Variants in ZNF653 observed in about 807,000 individuals in gnomAD.
ZNF653 encodes the protein 67 kDa zinc finger protein.
Under a neutral mutation model 59.9 loss-of-function variants are expected in ZNF653, and 37 were observed. The observed-to-expected ratio is 0.62, with a 90% CI of 0.48 to 0.81. The LOEUF (loss-of-function observed/expected upper bound fraction) is 0.81. Among genes scored for constraint, ZNF653 ranks in the 40% least tolerant of loss-of-function variants. The pLI, the probability that ZNF653 is intolerant of heterozygous loss-of-function variation, is 0.00. For synonymous variants in ZNF653, 435 were observed against 371.8 expected (o/e 1.17, Z -1.96); for missense variants, 808 against 881.1 (o/e 0.92, Z 1.05).
intron 2 of ZNF653, among the ~76,000 whole-genome samples, chr19:11,497,269 T>C (rs963060601): frequency 2.6e-5 from 4 of 152,258 alleles, no homozygotes; most frequent in Admixed American, 1.3e-4. Context: ...ACTGCTGTTT[T>C]GCTCCTCCTG....
In ZNF653 at chr19:11,495,437, CAG is replaced by C. The variant is rs1348369737; in HGVS notation, c.559+511_559+512del. 3 of 167,700 alleles carry C rather than the reference CAG, an allele frequency of 1.8e-5. No homozygotes were observed. Among genetic ancestry groups the C allele is most frequent in the Non-Finnish European group, 3.9e-5 (3 of 76,520 alleles). 10.4% of individuals were successfully genotyped at this position (167,700 alleles called of 1,614,324 possible). A position where few individuals can be genotyped will look rare whatever the true frequency, so the allele number is the denominator to read the frequency against. On this transcript the variant is annotated intron_variant, in intron 3 of 8. Coordinates refer to ENST00000293771, the MANE Select transcript of ZNF653 (RefSeq NM_138783.4). This position sits in a 1 kb window ranked among gnomAD's most constrained non-coding sequence, Gnocchi z 4.9. The stretch of plus-strand genomic sequence containing the variant: ...GGAGAAATGGGGAACAGGAGGGAAA[CAG>C]AATGGAGGGGGAAGGCAAGAAACGA...
chr19:11,500,992 G>A (rs1440645032), intron 1 of ZNF653, among the ~76,000 whole-genome samples: 5 of 152,080 alleles, frequency 3.3e-5, no homozygotes, highest in Admixed American at 6.6e-5. Flanking sequence ...GTGACTCCCA[G>A]CAGAGGCCAC....
chr19:11,500,875 G>A (rs1971636961), intron 1 of ZNF653: 1 of 152,372 alleles, frequency 6.6e-6, no homozygotes, highest in South Asian at 2.1e-4. Flanking sequence ...GACCAAACAA[G>A]GTCATATGTA....
intron 3 of ZNF653, among the ~76,000 whole-genome samples, chr19:11,490,494 C>T (rs1971519274): frequency 6.6e-6 from 1 of 152,134 alleles, no homozygotes. Flanking sequence ...TTAAAAAATT[C>T]TCCTGCCTCA....
At chr19:11,491,375 C>T (rs776003360) in intron 3 of ZNF653, among the ~76,000 whole-genome samples, 11 of 152,308 alleles carry the variant, frequency 7.2e-5, no homozygotes, top group Middle Eastern at 3.4e-3. Flanking sequence ...AAGGAAAGAA[C>T]CTGGGTCCAG....
intron 3 of ZNF653, among the ~76,000 whole-genome samples, chr19:11,492,768 G>C (rs995866999): frequency 6.6e-6 from 1 of 152,170 alleles, no homozygotes; most frequent in Non-Finnish European, 1.5e-5. Context: ...GTGGTGCACA[G>C]TGAGGGCTCG....
Position 11,495,753 on chromosome 19 carries a change from T to G in ZNF653, c.559+197A>C. 1 of 602,658 alleles carries G rather than the reference T, an allele frequency of 1.7e-6. No individual in the cohort carries two copies. Among genetic ancestry groups the G allele is most frequent in the Non-Finnish European group, 2.9e-6 (1 of 341,922 alleles). 37.3% of individuals were successfully genotyped at this position (602,658 alleles called of 1,614,324 possible). A position where few individuals can be genotyped will look rare whatever the true frequency, so the allele number is the denominator to read the frequency against. On this transcript the variant is annotated intron_variant, in intron 3 of 8. Coordinates refer to ENST00000293771, the MANE Select transcript of ZNF653 (RefSeq NM_138783.4). This position sits in a 1 kb window ranked among gnomAD's most constrained non-coding sequence, Gnocchi z 4.9. ...CCATAAAGAGGGACTGCCTCCCCAC[T>G]CAAGCTCTGTAAGGACGCAAAGAGG... is the stretch of plus-strand genomic sequence containing the variant.
Position 11,505,157 on chromosome 19 carries a change from G to GC in ZNF653, c.299+330dup, listed in dbSNP as rs574487046. On this transcript the variant is annotated intron_variant, in intron 1 of 8. Transcript: ENST00000293771. ...ATGAGACCGGTGAGGGGGCGGGGCTGCCCCCCCAGGGCCTGGTTAGTTACA... is the reference window on the plus strand; with the variant it reads ...ATGAGACCGGTGAGGGGGCGGGGCTGCCCCCCCCAGGGCCTGGTTAGTTACA... 112 of 268,702 alleles carry GC rather than the reference G, an allele frequency of 4.2e-4. 2 individuals are homozygous for GC. Among genetic ancestry groups the GC allele is most frequent in the Admixed American group, 3.9e-3 (69 of 17,902 alleles). The allele number at this position is 268,702 out of a possible 1,614,324, so 16.6% of individuals were successfully genotyped here.
chr19:11,502,471 T>G (rs1380902431), intron 1 of ZNF653, among the ~76,000 whole-genome samples: 1 of 152,190 alleles, frequency 6.6e-6, no homozygotes, highest in Non-Finnish European at 1.5e-5. Context: ...TTGTTAACTC[T>G]TGGCCAACCT....
chr19:11,494,414 G>C (rs890189421), intron 3 of ZNF653, among the ~76,000 whole-genome samples: 1 of 151,880 alleles, frequency 6.6e-6, no homozygotes, highest in African/African-American at 2.4e-5. Flanking sequence ...CATAAGGCCG[G>C]GTGCAGTGGC....
rs1285833708 is a variant in ZNF653, at chr19:11,505,499, G to A, written c.288C>T (p.Ser96=). 1.3e-6 allele frequency: 2 copies of A among 1,487,510 alleles called. No individual in the cohort carries two copies. Among genetic ancestry groups the A allele is most frequent in the East Asian group, 2.9e-5 (1 of 34,068 alleles). 92.1% of individuals were successfully genotyped at this position (1,487,510 alleles called of 1,614,324 possible). A position where few individuals can be genotyped will look rare whatever the true frequency, so the allele number is the denominator to read the frequency against. The change falls in exon 1 of 9, where the codon AGC becomes AGT. Residue 96 remains serine (S), a synonymous_variant. Coordinates refer to ENST00000293771, the MANE Select transcript of ZNF653 (RefSeq NM_138783.4). ...YLISLERGQR[S]GRHGKPWEQV... Reference sequence around the variant, plus strand: ...CCAGGCCCCCTCACCCGTGGCGGCCGCTCCGCTGGCCGCGCTCCAGAGAGA... The same window carrying A: ...CCAGGCCCCCTCACCCGTGGCGGCCACTCCGCTGGCCGCGCTCCAGAGAGA...
intron 1 of ZNF653, among the ~76,000 whole-genome samples, chr19:11,503,644 T>C (rs924163780): frequency 2.8e-4 from 41 of 148,942 alleles, no homozygotes; most frequent in African/African-American, 9.9e-4. Context: ...CCCATCTCCA[T>C]GAAAAATTAA....
At chr19:11,503,316 G>A (rs1156247642) in intron 1 of ZNF653, among the ~76,000 whole-genome samples, 1 of 152,114 alleles carries the variant, frequency 6.6e-6, no homozygotes, top group African/African-American at 2.4e-5. Context: ...TATTCCCTCT[G>A]CCTCAACTCT....
chr19:11,494,782 A>G (rs311800), intron 3 of ZNF653, among the ~76,000 whole-genome samples: 15,863 of 152,236 alleles, frequency 0.1, 1,709 homozygotes, highest in African/African-American at 0.28. Context: ...AGCCTGACCC[A>G]TCACCAAATG....
rs759303273 is a variant in ZNF653, at chr19:11,505,745, A to AGCCTCC, written c.36_41dup (p.Glu15_Ala16dup). The AGCCTCC allele has an allele frequency of 6.2e-4, 866 of 1,401,506 alleles. No homozygotes were observed. The highest frequency in any genetic ancestry group is 2.0e-3 in the Middle Eastern group (8 of 4,008). 86.8% of individuals were successfully genotyped at this position (1,401,506 alleles called of 1,614,324 possible). On this transcript the variant is annotated inframe_insertion, in exon 1 of 9. Transcript: ENST00000293771. ...CTGCCTCCCCGCCCGCGCCCGCCTC[A>AGCCTCC]GCCTCCGCCTCCGCCTCGGGCTCTA... is the stretch of plus-strand genomic sequence containing the variant.
intron 3 of ZNF653, among the ~76,000 whole-genome samples, chr19:11,494,676 G>A (rs1203090890): frequency 3.3e-5 from 5 of 152,336 alleles, no homozygotes; most frequent in South Asian, 2.1e-4. Flanking sequence ...CGACAAGAGC[G>A]AGACCCTGTC....
intron 3 of ZNF653, among the ~76,000 whole-genome samples, chr19:11,489,404 G>A (rs1971507450): frequency 6.6e-6 from 1 of 152,146 alleles, no homozygotes; most frequent in Admixed American, 6.6e-5. Context: ...TCCCCATTTT[G>A]GCCAGGCTGA....
In ZNF653 at chr19:11,490,535, C is replaced by T. The variant is rs559968242; in HGVS notation, c.560-2632G>A. 6.6e-5 allele frequency among the ~76,000 whole-genome samples: 10 copies of T among 152,106 alleles called. No homozygotes were observed. The South Asian group carries it at 1.2e-3, about 19-fold the overall frequency. On this transcript the variant is annotated intron_variant, in intron 3 of 8. Coordinates refer to ENST00000293771, the MANE Select transcript of ZNF653 (RefSeq NM_138783.4). ...CTGAGTAGCTGGGACTACAGGCACA[C>T]GCCACCATGTCAGGCTAATTTTTTT...
intron 3 of ZNF653, among the ~76,000 whole-genome samples, chr19:11,493,133 C>G (rs1166186132): frequency 1.3e-5 from 2 of 151,640 alleles, no homozygotes; most frequent in Non-Finnish European, 2.9e-5. Flanking sequence ...TCTTGGCTCA[C>G]TGCAACCTCC....
Sources: allele counts gnomAD v4.1 joint callset (sites outside exome capture counted in the v4.1 genomes callset), GRCh38; gene constraint gnomAD v4.1.1; non-coding constraint Gnocchi (gnomAD v3.1); transcripts MANE v1.5; gene names NCBI Gene and HGNC (gene_info 2026-07-23, HGNC 2026-07-21).